CCSER2: variants seen among roughly 807,000 people sequenced by gnomAD.
CCSER2 encodes serine-rich coiled-coil domain-containing protein 2.
A neutral mutation model predicts 92.3 loss-of-function variants in CCSER2; 46 were observed. The ratio of observed to expected loss-of-function variants is 0.50; its 90% CI spans 0.39 to 0.64. The LOEUF (loss-of-function observed/expected upper bound fraction) is 0.64. Ranked by LOEUF, CCSER2 falls within the 30% of genes least tolerant of loss-of-function variation. The probability of loss-of-function intolerance (pLI) is 0.00; values close to 1 mark genes in which losing one functional copy is unlikely to be tolerated. For synonymous variants in CCSER2, 433 were observed against 431.4 expected, an observed-to-expected ratio of 1.00 and a Z score of -0.04; for missense variants, 1,244 against 1,238.9, an observed-to-expected ratio of 1.00 and a Z score of -0.06.
chr10:84,351,292 G>C (rs767221585), intron 1 of CCSER2, among the ~76,000 whole-genome samples: 1 of 151,946 alleles, frequency 6.6e-6, no homozygotes, highest in Non-Finnish European at 1.5e-5. Flanking sequence ...CCTGGCTGGA[G>C]TGCAGTGGTG....
chr10:84,469,699 A>G (rs938498305), intron 7 of CCSER2, among the ~76,000 whole-genome samples: 5 of 152,168 alleles, frequency 3.3e-5, no homozygotes, highest in African/African-American at 4.8e-5. Context: ...CACTTTGGAA[A>G]TGTAACTGGA....
In CCSER2 at chr10:84,489,881, T is replaced by C. The variant is rs1045260584; in HGVS notation, c.2325+12217T>C. On this transcript the variant is annotated intron_variant, in intron 9 of 9. Transcript: ENST00000372088. Reference sequence around the variant, plus strand: ...ATGTTTTTGCAGTGGCTGGTACCAGTTGTTCCTTTCCATGTTTAGTGCTTC... The same window carrying C: ...ATGTTTTTGCAGTGGCTGGTACCAGCTGTTCCTTTCCATGTTTAGTGCTTC... 5.3e-5 allele frequency among the ~76,000 whole-genome samples: 8 copies of C among 152,338 alleles called. No individual in the cohort carries two copies. The South Asian group carries it at 1.4e-3, about 28-fold the overall frequency.
chr10:84,425,028 A>G, intron 4 of CCSER2: 1 of 981,004 alleles, frequency 1.0e-6, no homozygotes, highest in Non-Finnish European at 1.2e-6. Flanking sequence ...GTGCTCAGAT[A>G]TGTGAGGAAA....
At chr10:84,421,295 A>G (rs1843137029) in intron 4 of CCSER2, among the ~76,000 whole-genome samples, 1 of 152,180 alleles carries the variant, frequency 6.6e-6, no homozygotes, top group Admixed American at 6.5e-5. Flanking sequence ...GATTGTATTA[A>G]TCCATTCTCA....
chr10:84,466,895 T>C (rs1846478010), intron 7 of CCSER2, among the ~76,000 whole-genome samples: 1 of 152,184 alleles, frequency 6.6e-6, no homozygotes, highest in Non-Finnish European at 1.5e-5. Flanking sequence ...TCCACTGTGC[T>C]ATGGAAGATC....
chr10:84,489,260 G>A (rs1847998240), intron 9 of CCSER2, among the ~76,000 whole-genome samples: 1 of 152,128 alleles, frequency 6.6e-6, no homozygotes, highest in Non-Finnish European at 1.5e-5. Flanking sequence ...AGGTCCGCTT[G>A]GTGCAGAGCT....
chr10:84,406,781 T>A (rs2133342021), intron 3 of CCSER2, among the ~76,000 whole-genome samples: 1 of 152,312 alleles, frequency 6.6e-6, no homozygotes, highest in Non-Finnish European at 1.5e-5. Flanking sequence ...GAATAGAAAC[T>A]CTTTCCCACA....
In CCSER2 at chr10:84,453,401, C is replaced by G. The variant is rs58860811; in HGVS notation, c.2065-10532C>G. ...AATTGAGGCTATTATGTAGATAAAA[C>G]ATTTCAAATGCGACCATTTAAAAAT... On this transcript the variant is annotated intron_variant, in intron 6 of 9. Transcript: ENST00000372088. 1.6e-3 allele frequency among the ~76,000 whole-genome samples: 249 copies of G among 152,270 alleles called. 2 individuals are homozygous for G. In the East Asian group the frequency reaches 0.041, roughly 25 times the overall value.
At chr10:84,453,257 T>C (rs1323363041) in intron 6 of CCSER2, among the ~76,000 whole-genome samples, 1 of 152,218 alleles carries the variant, frequency 6.6e-6, no homozygotes, top group African/African-American at 2.4e-5. Flanking sequence ...AATATATTTC[T>C]ATGATATAAG....
intron 3 of CCSER2, chr10:84,391,477 T>C (rs1412190756): frequency 4.5e-6 from 7 of 1,564,034 alleles, no homozygotes; most frequent in Non-Finnish European, 6.2e-6. Context: ...GCTTTCAGCA[T>C]GTTAAGCCTT....
rs564723154 is a variant in CCSER2 at position 84,517,443 on chromosome 10, T to A, written c.*3176T>A. On this transcript the variant is annotated 3_prime_UTR_variant, in exon 10 of 10. Transcript: ENST00000372088. ...CAATATTTTCAGGCATATAGGCTAC[T>A]GTTCATTGTATTTATATATATATTA... 8 of 152,792 alleles carry A rather than the reference T, an allele frequency of 5.2e-5. No homozygotes were observed. The South Asian group carries it at 8.3e-4, about 16-fold the overall frequency. 9.5% of individuals were successfully genotyped at this position (152,792 alleles called of 1,614,324 possible).
chr10:84,354,959 T>A (rs1449825031), intron 1 of CCSER2, among the ~76,000 whole-genome samples: 1 of 152,036 alleles, frequency 6.6e-6, no homozygotes, highest in East Asian at 1.9e-4. Context: ...ATCCATTTAT[T>A]TGCTAAATAT....
At chr10:84,341,679 C>G (rs1844195900) in intron 1 of CCSER2, among the ~76,000 whole-genome samples, 1 of 152,126 alleles carries the variant, frequency 6.6e-6, no homozygotes, top group African/African-American at 2.4e-5. Flanking sequence ...ATCCCCCCCA[C>G]CACTTCAGAT....
At chr10:84,429,075 T>C (rs975802088) in intron 5 of CCSER2, among the ~76,000 whole-genome samples, 4 of 151,604 alleles carry the variant, frequency 2.6e-5, no homozygotes, top group African/African-American at 9.7e-5. Context: ...GATATCCTTG[T>C]CTTGTTTTGA....
At chr10:84,430,962 A>G (rs1843729240) in intron 5 of CCSER2, among the ~76,000 whole-genome samples, 1 of 151,910 alleles carries the variant, frequency 6.6e-6, no homozygotes, top group Non-Finnish European at 1.5e-5. Flanking sequence ...CTTTTAACTA[A>G]TAGATTTTAT....
At chr10:84,456,308 G>A (rs1052832046) in intron 6 of CCSER2, among the ~76,000 whole-genome samples, 17 of 152,122 alleles carry the variant, frequency 1.1e-4, no homozygotes, top group Admixed American at 1.1e-3. Context: ...CATATAAATG[G>A]ATATGATATA....
chr10:84,462,346 T>C (rs769505953), intron 6 of CCSER2, among the ~76,000 whole-genome samples: 7 of 152,242 alleles, frequency 4.6e-5, no homozygotes, highest in Non-Finnish European at 1.0e-4. Context: ...CAAAGCAGTA[T>C]GTGCTTGTGT....
rs879247925 is a variant in CCSER2 at position 84,371,718 on chromosome 10, A to G, written c.666A>G (p.Gln222=). 5 of 1,613,628 alleles carry G rather than the reference A, an allele frequency of 3.1e-6. No homozygotes were observed. Among genetic ancestry groups the G allele is most frequent in the Non-Finnish European group, 4.2e-6 (5 of 1,179,842 alleles). ...SINCEKMVRS[Q]SFSHSIQNSF... ...ATTGTGAAAAAATGGTAAGGTCACA[A>G]AGTTTTTCACATTCCATTCAGAATT... is the stretch of plus-strand genomic sequence containing the variant. The change falls in exon 2 of 10, where the codon CAA becomes CAG. Residue 222 remains glutamine (Q), a synonymous_variant. Transcript: ENST00000372088.
At chr10:84,465,239 TTGTGTGTGTGTGTGTGTGTGTGTGTGTG>T (rs59254139) in intron 7 of CCSER2, among the ~76,000 whole-genome samples, 71 of 106,870 alleles carry the variant, frequency 6.6e-4, no homozygotes, top group Admixed American at 1.7e-3. Flanking sequence ...TTTCCTGAAT[TTGTGTGTGTGTGTGTGTGTGTGTGTGTG>T]TGTGTGTGTG....
Sources: gnomAD v4.1 joint callset for allele counts (sites outside exome capture counted in the v4.1 genomes callset) on GRCh38, gnomAD v4.1.1 for gene constraint, MANE v1.5 for transcripts, NCBI Gene and HGNC (gene_info 2026-07-23, HGNC 2026-07-21) for gene names.